The following ZFHX3 variants were observed in gnomAD, a reference collection of about 807,000 sequenced individuals.
The protein encoded by ZFHX3 is zinc finger homeobox protein 3.
In ZFHX3, 42 loss-of-function variants were observed where a neutral mutation model predicts 279.1. That is an observed-to-expected ratio of 0.15 (90% CI 0.12 to 0.19). The LOEUF (loss-of-function observed/expected upper bound fraction) is 0.19, where lower values mean the gene tolerates loss of function less well. ZFHX3 is among the 10% of genes least tolerant of loss of function. ZFHX3 has a pLI of 1.00. For missense variants in ZFHX3, 4,981 were observed against 4,754.0 expected (o/e 1.05, Z -1.40); for synonymous variants, 2,293 against 1,957.8 (o/e 1.17, Z -4.52).
At position 72,794,402 on chromosome 16, in the gene ZFHX3, C is replaced by G. The variant is rs1567514026; in HGVS notation, c.8280G>C (p.Met2760Ile). ...TAGTTCCGTCAAAAATATCTCCTTTCATCTGGAGTCCCCCATCACAGTCTA... is the reference window on the plus strand; with the variant it reads ...TAGTTCCGTCAAAAATATCTCCTTTGATCTGGAGTCCCCCATCACAGTCTA... ...MLLDCDGGLQ[M>I]KGDIFDGTSF... The change falls in exon 9 of 10, where the codon ATG becomes ATC. Residue 2760 changes from methionine (M) to isoleucine (I), a missense_variant. This residue lies in a region of ZFHX3 where 744 missense variants were observed against 701.3 expected (regional missense o/e 1.06). Transcript: ENST00000268489. The surrounding 1 kb of genome is among the most constrained non-coding windows in gnomAD (Gnocchi z 4.2). 2 of 1,609,058 alleles carry G rather than the reference C, an allele frequency of 1.2e-6. No homozygotes were observed. Among genetic ancestry groups the G allele is most frequent in the Non-Finnish European group, 1.7e-6 (2 of 1,177,150 alleles).
At chr16:72,942,512 A>G (rs1960460175) in intron 3 of ZFHX3, among the ~76,000 whole-genome samples, 1 of 152,154 alleles carries the variant, frequency 6.6e-6, no homozygotes, top group Non-Finnish European at 1.5e-5. Context: ...GGATTCGTAA[A>G]TATTTTGACA....
intron 3 of ZFHX3, among the ~76,000 whole-genome samples, chr16:72,946,953 A>G (rs1960710565): frequency 6.6e-6 from 1 of 152,192 alleles, no homozygotes; most frequent in Non-Finnish European, 1.5e-5. Flanking sequence ...CTCAGATGTG[A>G]CACTAAGGAC....
At chr16:73,767,014 C>A (rs534894436) in intron 1 of ZFHX3, among the ~76,000 whole-genome samples, 2 of 150,550 alleles carry the variant, frequency 1.3e-5, no homozygotes, top group African/African-American at 4.9e-5. Flanking sequence ...CAGCTCAGTG[C>A]AACCTCCACC....
intron 2 of ZFHX3, among the ~76,000 whole-genome samples, chr16:73,548,642 G>T (rs898933969): frequency 6.6e-6 from 1 of 151,538 alleles, no homozygotes; most frequent in African/African-American, 2.4e-5. Flanking sequence ...TTAAACAATG[G>T]CATAAACTAT....
chr16:73,440,397 G>A (rs997197455), intron 3 of ZFHX3, among the ~76,000 whole-genome samples: 1 of 152,172 alleles, frequency 6.6e-6, no homozygotes, highest in African/African-American at 2.4e-5. Flanking sequence ...CAATTTGGGA[G>A]ACAGAAAACG....
chr16:72,827,899 C>T (rs2036972560), intron 5 of ZFHX3, among the ~76,000 whole-genome samples: 1 of 152,170 alleles, frequency 6.6e-6, no homozygotes, highest in Non-Finnish European at 1.5e-5. Context: ...CAGTATGGCC[C>T]TCTCTGTGTC....
chr16:73,378,267 A>T (rs1247806341), intron 3 of ZFHX3, among the ~76,000 whole-genome samples: 1 of 152,092 alleles, frequency 6.6e-6, no homozygotes, highest in Non-Finnish European at 1.5e-5. Flanking sequence ...ATCTTTTTGC[A>T]TTTCAGGAGT....
intron 5 of ZFHX3, among the ~76,000 whole-genome samples, chr16:72,812,453 T>G (rs996148220): frequency 6.6e-6 from 1 of 152,098 alleles, no homozygotes; most frequent in Non-Finnish European, 1.5e-5. Context: ...GCTTCAGAAA[T>G]GTAAGAAGAG....
intron 6 of ZFHX3, among the ~76,000 whole-genome samples, chr16:73,135,623 A>G (rs929612726): frequency 6.6e-6 from 1 of 152,226 alleles, no homozygotes; most frequent in Admixed American, 6.5e-5. Flanking sequence ...CATACCAAAG[A>G]AAACACTATT....
At chr16:73,462,742 G>C (rs1410249631) in intron 2 of ZFHX3, among the ~76,000 whole-genome samples, 1 of 152,040 alleles carries the variant, frequency 6.6e-6, no homozygotes, top group Non-Finnish European at 1.5e-5. Flanking sequence ...TATCTAACCA[G>C]TCTTACATCC....
chr16:73,173,008 GTTTT>G (rs869289153), intron 5 of ZFHX3, among the ~76,000 whole-genome samples: 1 of 49,948 alleles, frequency 2.0e-5, no homozygotes, highest in African/African-American at 9.3e-5. Context: ...TTTTTTTTTT[GTTTT>G]TTTTTTTTTT....
At chr16:72,898,853 G>C (rs2038964145) in intron 3 of ZFHX3, among the ~76,000 whole-genome samples, 1 of 151,780 alleles carries the variant, frequency 6.6e-6, no homozygotes, top group Non-Finnish European at 1.5e-5. Context: ...TTTCATGGTA[G>C]GACCCTGAGG....
At chr16:73,334,572 T>A (rs2015870787) in intron 3 of ZFHX3, among the ~76,000 whole-genome samples, 1 of 152,018 alleles carries the variant, frequency 6.6e-6, no homozygotes, top group Non-Finnish European at 1.5e-5. Context: ...GAGGGGCCAT[T>A]GTTCTGCCCG....
At chr16:73,545,641 C>T (rs1328362216) in intron 2 of ZFHX3, among the ~76,000 whole-genome samples, 1 of 152,108 alleles carries the variant, frequency 6.6e-6, no homozygotes, top group Non-Finnish European at 1.5e-5. Context: ...TGCTCTTCTT[C>T]TTGCCTTTAT....
chr16:73,444,975 A>C (rs990027069), intron 3 of ZFHX3, among the ~76,000 whole-genome samples: 18 of 150,874 alleles, frequency 1.2e-4, no homozygotes, highest in Admixed American at 2.0e-4. Context: ...AAAAAAAAAA[A>C]AAAAAACAAA....
chr16:72,942,736 C>T (rs1235795027), intron 3 of ZFHX3, among the ~76,000 whole-genome samples: 3 of 152,112 alleles, frequency 2.0e-5, no homozygotes, highest in Non-Finnish European at 4.4e-5. Context: ...GAATTTGTTC[C>T]TGACCCCTTT....
intron 3 of ZFHX3, among the ~76,000 whole-genome samples, chr16:72,918,453 G>C (rs554501327): frequency 2.0e-5 from 3 of 152,236 alleles, no homozygotes; most frequent in African/African-American, 7.2e-5. Flanking sequence ...ATATTGCAAA[G>C]TTTTAAAAAG....
chr16:72,885,015 T>C (rs546410671), intron 4 of ZFHX3, among the ~76,000 whole-genome samples: 15 of 152,344 alleles, frequency 9.8e-5, no homozygotes, highest in African/African-American at 3.1e-4. Context: ...ATTGTGGGGA[T>C]TGGAAGAGGA....
intron 3 of ZFHX3, among the ~76,000 whole-genome samples, chr16:73,324,418 G>A (rs1186917077): frequency 6.6e-6 from 1 of 152,180 alleles, no homozygotes; most frequent in Non-Finnish European, 1.5e-5. Flanking sequence ...GACACATGAA[G>A]GGCTGTACTG....
Sources: allele counts gnomAD v4.1 joint callset (sites outside exome capture counted in the v4.1 genomes callset), GRCh38; gene constraint gnomAD v4.1.1; regional missense constraint gnomAD v4.1.1; non-coding constraint Gnocchi (gnomAD v3.1); transcripts MANE v1.5; gene names NCBI Gene and HGNC (gene_info 2026-07-23, HGNC 2026-07-21).